Variants in FRAS1 observed in about 807,000 individuals in gnomAD.
FRAS1 encodes extracellular matrix organizing protein FRAS1.
A neutral mutation model predicts 435.2 loss-of-function variants in FRAS1; 290 were observed. The ratio of observed to expected loss-of-function variants is 0.67; its 90% CI spans 0.61 to 0.73. The LOEUF (loss-of-function observed/expected upper bound fraction) is 0.73. FRAS1 is among the 30% of genes least tolerant of loss of function. The pLI, the probability that FRAS1 is intolerant of heterozygous loss-of-function variation, is 0.00. For missense variants in FRAS1, 4,860 were observed against 5,001.5 expected, an observed-to-expected ratio of 0.97 and a Z score of 0.85; for synonymous variants, 1,800 against 1,851.0, an observed-to-expected ratio of 0.97 and a Z score of 0.71.
chr4:78,192,424 C>A (rs752237788), intron 2 of FRAS1, among the ~76,000 whole-genome samples: 1 of 152,128 alleles, frequency 6.6e-6, no homozygotes, highest in Non-Finnish European at 1.5e-5. Context: ...GGATAGTAAG[C>A]TATTAATTAT....
At chr4:78,355,379 GTGACTCTTAATGA>G (rs1442010597) in intron 20 of FRAS1, among the ~76,000 whole-genome samples, 2 of 152,008 alleles carry the variant, frequency 1.3e-5, no homozygotes, top group Non-Finnish European at 2.9e-5. Context: ...TTCTTTCCTT[GTGACTCTTAATGA>G]GTCTTATATT....
intron 6 of FRAS1, 156 bp from the exon 7 acceptor site, chr4:78,264,869 C>T (rs1726273255): frequency 1.4e-6 from 1 of 695,326 alleles, no homozygotes; most frequent in Non-Finnish European, 2.6e-6. Flanking sequence ...TCATTCTTAT[C>T]AGAGTCCCAG....
rs531739989 is a variant in FRAS1 at position 78,469,888 on chromosome 4, A to T, written c.7258-90A>T. On this transcript the variant is annotated intron_variant, in intron 50 of 73. Coordinates refer to ENST00000512123, the MANE Select transcript of FRAS1 (RefSeq NM_025074.7). ...TCCCTCATCTCTGAAGTGTTAGCAG[A>T]CTTCAGAGGTTACAGCTGTGTAGGC... 6 of 902,954 alleles carry T rather than the reference A, an allele frequency of 6.6e-6. No homozygotes were observed. The South Asian group carries it at 8.6e-5, about 13-fold the overall frequency. The allele number at this position is 902,954 out of a possible 1,614,324, so 55.9% of individuals were successfully genotyped here. A position where few individuals can be genotyped will look rare whatever the true frequency, so the allele number is the denominator to read the frequency against.
intron 29 of FRAS1, among the ~76,000 whole-genome samples, chr4:78,399,810 C>T (rs1188502764): frequency 1.3e-5 from 2 of 152,224 alleles, no homozygotes; most frequent in African/African-American, 4.8e-5. Context: ...TACAAGGTAT[C>T]TTCAGCTCTA....
At chr4:78,089,144 C>T (rs1198920662) in intron 2 of FRAS1, among the ~76,000 whole-genome samples, 1 of 151,824 alleles carries the variant, frequency 6.6e-6, no homozygotes, top group Admixed American at 6.6e-5. Context: ...ATGGATGAAG[C>T]TGGAAACCAT....
rs540949271 is a variant in FRAS1 at position 78,482,642 on chromosome 4, A to T, written c.8752+107A>T. On this transcript the variant is annotated intron_variant, in intron 58 of 73. Transcript: ENST00000512123. ...TCATTCACATTTTCATTCAAGAAAT[A>T]TGTGTGTGTAGATGTGTATACGTGA... is the stretch of plus-strand genomic sequence containing the variant. 2.5e-6 allele frequency: 3 copies of T among 1,212,736 alleles called. No homozygotes were observed. The Admixed American group carries it at 6.2e-5, about 25-fold the overall frequency. The allele number at this position is 1,212,736 out of a possible 1,614,324, so 75.1% of individuals were successfully genotyped here. A position where few individuals can be genotyped will look rare whatever the true frequency, so the allele number is the denominator to read the frequency against.
At chr4:78,079,226 A>G (rs949013480) in intron 2 of FRAS1, among the ~76,000 whole-genome samples, 6 of 151,932 alleles carry the variant, frequency 3.9e-5, no homozygotes, top group African/African-American at 1.2e-4. Flanking sequence ...CATAAGGGGG[A>G]AAAACCCCAT....
chr4:78,372,749 G>C lies in FRAS1; in HGVS notation c.2901G>C (p.Gly967=). 1 of 1,612,782 alleles carries C rather than the reference G, an allele frequency of 6.2e-7. No individual in the cohort carries two copies. Among genetic ancestry groups the C allele is most frequent in the South Asian group, 1.1e-5 (1 of 91,018 alleles). ...ATTGGAGCTGCAGTGCATGCAGTGGGCCCCTGAAAACAGACTGCCTGCAGT... is the reference window on the plus strand; with the variant it reads ...ATTGGAGCTGCAGTGCATGCAGTGGCCCCCTGAAAACAGACTGCCTGCAGT... ...ECDWSCSACS[G]PLKTDCLQCM... is the part of the protein sequence containing the mutation. The change falls in exon 24 of 74, where the codon GGG becomes GGC. Residue 967 remains glycine, a synonymous_variant. Transcript: ENST00000512123.
chr4:78,183,251 A>G (rs1293649793), intron 2 of FRAS1, among the ~76,000 whole-genome samples: 1 of 152,208 alleles, frequency 6.6e-6, no homozygotes, highest in Non-Finnish European at 1.5e-5. Context: ...GGGTATGGAC[A>G]TGGAAACAAA....
chr4:78,211,787 TTA>T, intron 2 of FRAS1, among the ~76,000 whole-genome samples: 1 of 152,340 alleles, frequency 6.6e-6, no homozygotes, highest in Admixed American at 6.5e-5. Flanking sequence ...ACCATCACCA[TTA>T]TATGTTTCTC....
chr4:78,496,431 G>A (rs754420192), intron 59 of FRAS1, among the ~76,000 whole-genome samples: 6 of 152,144 alleles, frequency 3.9e-5, no homozygotes, highest in Admixed American at 6.5e-5. Flanking sequence ...TTAAACCCCC[G>A]TCATCAGAAA....
intron 2 of FRAS1, chr4:78,181,944 C>G: frequency 6.2e-7 from 1 of 1,608,746 alleles, no homozygotes; most frequent in South Asian, 1.1e-5. Flanking sequence ...TTCTTGTTCT[C>G]CGCTGCCTTC....
intron 14 of FRAS1, among the ~76,000 whole-genome samples, chr4:78,307,472 G>A (rs1044633644): frequency 1.3e-4 from 20 of 152,290 alleles, no homozygotes; most frequent in Admixed American, 1.3e-4. Flanking sequence ...CCTTGCTGCC[G>A]CCTTGCAGTT....
chr4:78,265,526 G>C (rs180967872), intron 7 of FRAS1, among the ~76,000 whole-genome samples: 10 of 152,138 alleles, frequency 6.6e-5, no homozygotes, highest in Non-Finnish European at 1.2e-4. Context: ...AAAACCTGGC[G>C]GTGGTAGAAG....
chr4:78,266,947 T>G lies in FRAS1; in HGVS notation c.789+12T>G, dbSNP rs142206350. The G allele has an allele frequency of 5.6e-4, 875 of 1,554,178 alleles. 7 individuals are homozygous for G. In the East Asian group the frequency reaches 0.016, roughly 29 times the overall value. On this transcript the variant is annotated intron_variant, in intron 8 of 73. Coordinates refer to ENST00000512123, the MANE Select transcript of FRAS1 (RefSeq NM_025074.7). ...TGAGATGCGGAAAGGTATTTGAGAGTGTGTACCTTACTTGTTTAAGCTCTT... is the reference window on the plus strand; with the variant it reads ...TGAGATGCGGAAAGGTATTTGAGAGGGTGTACCTTACTTGTTTAAGCTCTT...
intron 53 of FRAS1, 135 bp from the exon 54 acceptor site, chr4:78,475,302 AT>A: frequency 1.2e-6 from 1 of 814,264 alleles, no homozygotes; most frequent in Non-Finnish European, 2.0e-6. Flanking sequence ...TACAGCCTGG[AT>A]TCTTAGAGGA....
chr4:78,512,240 A>G (rs966904103), intron 64 of FRAS1, among the ~76,000 whole-genome samples: 1 of 152,232 alleles, frequency 6.6e-6, no homozygotes, highest in Non-Finnish European at 1.5e-5. Context: ...TATAGTATTT[A>G]AGTGTGTGCC....
intron 73 of FRAS1, among the ~76,000 whole-genome samples, chr4:78,539,742 T>C (rs1009403565): frequency 1.3e-5 from 2 of 152,210 alleles, no homozygotes; most frequent in African/African-American, 4.8e-5. Flanking sequence ...CCCTTTTTGG[T>C]TCTATGCTAG....
chr4:78,341,217 G>C (rs1730385491), intron 20 of FRAS1, among the ~76,000 whole-genome samples: 1 of 152,144 alleles, frequency 6.6e-6, no homozygotes, highest in Non-Finnish European at 1.5e-5. Context: ...AGCTTTGGAG[G>C]CAGAACATTT....
Sources: gnomAD v4.1 joint callset for allele counts (sites outside exome capture counted in the v4.1 genomes callset) on GRCh38, gnomAD v4.1.1 for gene constraint, MANE v1.5 for transcripts, NCBI Gene and HGNC (gene_info 2026-07-23, HGNC 2026-07-21) for gene names.